The following LRPPRC variants were observed in gnomAD, a reference collection of about 807,000 sequenced individuals.
The protein encoded by LRPPRC is leucine rich pentatricopeptide repeat containing.
Under a neutral mutation model 180.3 loss-of-function variants are expected in LRPPRC, and 120 were observed. The observed-to-expected ratio is 0.67, with a 90% CI of 0.57 to 0.77. LRPPRC has a LOEUF of 0.77. Among genes scored for constraint, LRPPRC ranks in the 30% least tolerant of loss-of-function variants. The pLI is 0.00. For missense variants in LRPPRC, 2,012 were observed against 1,657.2 expected, an observed-to-expected ratio of 1.21 and a Z score of -3.72; for synonymous variants, 723 against 600.0, an observed-to-expected ratio of 1.21 and a Z score of -3.00.
In LRPPRC at chr2:43,894,546, A is replaced by G. The variant is rs1057521433; in HGVS notation, c.3984T>C (p.Tyr1328=). Residue 1328 remains tyrosine (Y), a splice_region_variant and synonymous_variant, in exon 36 of 38, where the codon TAT becomes TAC. Coordinates refer to ENST00000260665, the MANE Select transcript of LRPPRC (RefSeq NM_133259.4). The part of the protein sequence containing the change: ...EEAYNSLMKS[Y]VSEKDVTSAK... ...ATAGTCAAATTAAACTTATATTACC[A>G]TAGCTTTTCATGAGGGAATTGTATG... The G allele has an allele frequency of 7.1e-7, 1 of 1,411,326 alleles. No homozygotes were observed. The highest frequency in any genetic ancestry group is 1.4e-5 in the African/African-American group (1 of 71,256). 87.4% of individuals were successfully genotyped at this position (1,411,326 alleles called of 1,614,324 possible).
intron 1 of LRPPRC, among the ~76,000 whole-genome samples, chr2:43,987,451 C>CGTCACTGCACTCCA (rs1674577888): frequency 7.3e-6 from 1 of 136,406 alleles, no homozygotes; most frequent in African/African-American, 2.8e-5. Flanking sequence ...GCCGAGATAG[C>CGTCACTGCACTCCA]GTCACTGCAC....
At chr2:43,905,422 T>C (rs1671037305) in intron 31 of LRPPRC, among the ~76,000 whole-genome samples, 1 of 152,220 alleles carries the variant, frequency 6.6e-6, no homozygotes, top group East Asian at 1.9e-4. Context: ...AAATTTTGCA[T>C]GTCTGAAGAG....
At position 43,959,163 on chromosome 2, in the gene LRPPRC, G is replaced by A. The variant is rs112097224; in HGVS notation, c.1582+1378C>T. On this transcript the variant is annotated intron_variant, in intron 13 of 37. Coordinates refer to ENST00000260665, the MANE Select transcript of LRPPRC (RefSeq NM_133259.4). ...AAGGCAGCTCTCATGGATCCACCTC[G>A]TGAGCCCAGATTCCTCTGCTAATGC... 4.1e-5 allele frequency: 29 copies of A among 714,266 alleles called. 1 individual carries two copies. The highest frequency in any genetic ancestry group is 2.3e-4 in the Middle Eastern group (1 of 4,382). The allele number at this position is 714,266 out of a possible 1,614,324, so 44.2% of individuals were successfully genotyped here.
Position 43,974,305 on chromosome 2 carries a change from A to T in LRPPRC, c.1010-10T>A. On this transcript the variant is annotated splice_polypyrimidine_tract_variant and intron_variant, in intron 8 of 37. Coordinates refer to ENST00000260665, the MANE Select transcript of LRPPRC (RefSeq NM_133259.4). ...ATGAGGTTCATTGCATCTGGGAAGA[A>T]AACAAAGACATCTTTTGTTAATAAA... 6.3e-7 allele frequency: 1 copy of T among 1,598,906 alleles called. No individual in the cohort carries two copies. The highest frequency in any genetic ancestry group is 8.6e-7 in the Non-Finnish European group (1 of 1,166,198).
At chr2:43,977,600 T>C (rs570235796) in intron 3 of LRPPRC, among the ~76,000 whole-genome samples, 3 of 152,288 alleles carry the variant, frequency 2.0e-5, no homozygotes, top group South Asian at 2.1e-4. Context: ...TGTAAGATTT[T>C]TCTATATAAA....
chr2:43,926,033 A>G (rs1671865376), intron 25 of LRPPRC, 72 bp from the exon 26 acceptor site: 1 of 902,942 alleles, frequency 1.1e-6, no homozygotes, highest in Non-Finnish European at 1.9e-6. Context: ...CCTCAAAGAC[A>G]GTTTCTTTTC....
intron 12 of LRPPRC, among the ~76,000 whole-genome samples, chr2:43,962,269 AT>A (rs1448229999): frequency 8.5e-5 from 13 of 152,126 alleles, no homozygotes; most frequent in Admixed American, 7.2e-4. Context: ...TACTTAAAAA[AT>A]TTTTTTTAAC....
At chr2:43,989,378 T>G (rs1427440621) in intron 1 of LRPPRC, among the ~76,000 whole-genome samples, 1 of 152,186 alleles carries the variant, frequency 6.6e-6, no homozygotes, top group Non-Finnish European at 1.5e-5. Context: ...AGATTTCCCT[T>G]CCATCTCCCA....
intron 16 of LRPPRC, 63 bp downstream of exon 16, chr2:43,949,539 C>G (rs1029769886): frequency 8.5e-7 from 1 of 1,176,698 alleles, no homozygotes; most frequent in Non-Finnish European, 1.3e-6. Flanking sequence ...ATCCTCCTAA[C>G]CCATCATTAC....
intron 1 of LRPPRC, among the ~76,000 whole-genome samples, chr2:43,990,782 C>T (rs6752515): frequency 0.55 from 82,759 of 151,450 alleles, 23,672 homozygotes; most frequent in African/African-American, 0.6. Context: ...GATAAATCTA[C>T]ACTCACAGAG....
At chr2:43,989,231 T>A (rs1373547064) in intron 1 of LRPPRC, among the ~76,000 whole-genome samples, 2 of 152,246 alleles carry the variant, frequency 1.3e-5, no homozygotes, top group African/African-American at 4.8e-5. Flanking sequence ...CAAAAACTTT[T>A]GACAAATTTA....
intron 30 of LRPPRC, among the ~76,000 whole-genome samples, chr2:43,907,838 TTATTG>T (rs1256406588): frequency 2.0e-5 from 3 of 152,160 alleles, no homozygotes; most frequent in Admixed American, 6.5e-5. Context: ...TTCAGAGAAT[TTATTG>T]CTCTGAAATG....
In LRPPRC at chr2:43,917,910, AT is replaced by A. The variant is rs2105025078; in HGVS notation, c.3148+114del. 3 of 707,722 alleles carry A rather than the reference AT, an allele frequency of 4.2e-6. No individual in the cohort carries two copies. In the South Asian group the frequency reaches 5.3e-5, roughly 13 times the overall value. 43.8% of individuals were successfully genotyped at this position (707,722 alleles called of 1,614,324 possible). ...TGGAAGGGGACAAGAAATATGTAAA[AT>A]TTAAGTCCTATCTCTATCCTAGAGC... is the stretch of plus-strand genomic sequence containing the variant. On this transcript the variant is annotated intron_variant, in intron 29 of 37. Transcript: ENST00000260665.
At chr2:43,917,897 A>G (rs1671531906) in intron 29 of LRPPRC, 128 bp downstream of exon 29, 2 of 668,944 alleles carry the variant, frequency 3.0e-6, no homozygotes, top group African/African-American at 1.8e-5. Flanking sequence ...GAAGGGGACA[A>G]GAAATATGTA....
At chr2:43,949,788 A>T (rs1315703830) in intron 15 of LRPPRC, 129 bp from the exon 16 acceptor site, 1 of 709,264 alleles carries the variant, frequency 1.4e-6, no homozygotes, top group East Asian at 2.7e-5. Flanking sequence ...CAGTAATTCA[A>T]AACCACCCCC....
intron 31 of LRPPRC, chr2:43,903,723 C>T (rs1296801659): frequency 6.6e-6 from 1 of 152,004 alleles, no homozygotes; most frequent in African/African-American, 2.4e-5. Context: ...GGGCACCTAA[C>T]ATAAAAATAA....
intron 27 of LRPPRC, among the ~76,000 whole-genome samples, chr2:43,922,853 A>G (rs546967528): frequency 2.6e-5 from 4 of 152,330 alleles, no homozygotes; most frequent in African/African-American, 7.2e-5. Flanking sequence ...CTTTTTCTTC[A>G]GAAAGGAAAG....
At chr2:43,899,439 G>A (rs1328873240) in intron 33 of LRPPRC, 27 bp downstream of exon 33, 1 of 1,613,726 alleles carries the variant, frequency 6.2e-7, no homozygotes, top group East Asian at 2.2e-5. Context: ...GTGCTTGTGT[G>A]TTCTTTAGCA....
chr2:43,904,674 C>T (rs1351394669), intron 31 of LRPPRC: 1 of 127,740 alleles, frequency 7.8e-6, no homozygotes, highest in African/African-American at 3.0e-5. Flanking sequence ...GCCTGGGCAA[C>T]AGAATGAGAC....
Sources: gnomAD v4.1 joint callset for allele counts (sites outside exome capture counted in the v4.1 genomes callset) on GRCh38, gnomAD v4.1.1 for gene constraint, MANE v1.5 for transcripts, NCBI Gene and HGNC (gene_info 2026-07-23, HGNC 2026-07-21) for gene names.